Variants in IMMP2L observed in about 807,000 individuals in gnomAD.
IMMP2L encodes the protein mitochondrial inner membrane protease subunit 2.
A neutral mutation model predicts 19.3 loss-of-function variants in IMMP2L; 18 were observed. That is an observed-to-expected ratio of 0.93 (90% CI 0.64 to 1.38). The LOEUF is 1.38. Ranked by LOEUF, IMMP2L falls within the 40% of genes most tolerant of loss-of-function variation. The probability of loss-of-function intolerance (pLI) is 0.00; values close to 1 mark genes in which losing one functional copy is unlikely to be tolerated. For missense variants in IMMP2L, 233 were observed against 218.2 expected, an observed-to-expected ratio of 1.07 and a Z score of -0.43; for synonymous variants, 76 against 73.0, an observed-to-expected ratio of 1.04 and a Z score of -0.21.
intron 3 of IMMP2L, among the ~76,000 whole-genome samples, chr7:111,283,162 A>C (rs1820090740): frequency 6.6e-6 from 1 of 152,216 alleles, no homozygotes; most frequent in Non-Finnish European, 1.5e-5. Context: ...AATAACAGGA[A>C]AAATGTGGAA....
At chr7:110,928,132 C>G (rs889011949) in intron 4 of IMMP2L, among the ~76,000 whole-genome samples, 2 of 151,826 alleles carry the variant, frequency 1.3e-5, no homozygotes, top group African/African-American at 4.8e-5. Flanking sequence ...CTTCTCTTGC[C>G]TCTATTAAAA....
At chr7:111,095,972 T>C (rs1047888182) in intron 3 of IMMP2L, among the ~76,000 whole-genome samples, 7 of 151,962 alleles carry the variant, frequency 4.6e-5, no homozygotes, top group Non-Finnish European at 8.8e-5. Context: ...TGATATCTCC[T>C]TAATATCACA....
chr7:111,282,778 T>G (rs976287945), intron 3 of IMMP2L, among the ~76,000 whole-genome samples: 1 of 152,038 alleles, frequency 6.6e-6, no homozygotes, highest in African/African-American at 2.4e-5. Flanking sequence ...GAGACTGGGT[T>G]TCACCATGTT....
At chr7:110,813,394 A>C (rs1802188279) in intron 5 of IMMP2L, among the ~76,000 whole-genome samples, 1 of 151,836 alleles carries the variant, frequency 6.6e-6, no homozygotes, top group Non-Finnish European at 1.5e-5. Context: ...TCTGTGGGTT[A>C]AGAATTATTT....
intron 3 of IMMP2L, among the ~76,000 whole-genome samples, chr7:111,050,565 T>C (rs1362468392): frequency 6.6e-6 from 1 of 152,224 alleles, no homozygotes; most frequent in Non-Finnish European, 1.5e-5. Context: ...TTTTTGCTGC[T>C]TTTTGCCTGG....
chr7:111,344,967 A>G (rs1399347097), intron 3 of IMMP2L, among the ~76,000 whole-genome samples: 1 of 152,094 alleles, frequency 6.6e-6, no homozygotes, highest in Non-Finnish European at 1.5e-5. Flanking sequence ...GAGGCAAAAC[A>G]ACATTTAAGT....
chr7:111,506,501 G>A (rs956334034), intron 2 of IMMP2L, among the ~76,000 whole-genome samples: 5 of 152,074 alleles, frequency 3.3e-5, no homozygotes, highest in African/African-American at 9.7e-5. Flanking sequence ...AGGTTCAAGC[G>A]ATTCTCCTGC....
chr7:111,497,718 T>A (rs531795329), intron 2 of IMMP2L, among the ~76,000 whole-genome samples: 13 of 152,120 alleles, frequency 8.5e-5, no homozygotes, highest in African/African-American at 2.9e-4. Context: ...TGGGTTTAAA[T>A]CTATGCAATC....
At chr7:111,381,148 T>C (rs1384125122) in intron 3 of IMMP2L, among the ~76,000 whole-genome samples, 6 of 151,932 alleles carry the variant, frequency 3.9e-5, no homozygotes, top group East Asian at 1.9e-4. Context: ...AGTTTGGTAT[T>C]AGTAGGGTGC....
At position 110,678,148 on chromosome 7, in the gene IMMP2L, T is replaced by C. The variant is rs149324499; in HGVS notation, c.409-14427A>G. On this transcript the variant is annotated intron_variant, in intron 5 of 5. Coordinates refer to ENST00000405709, the MANE Select transcript of IMMP2L (RefSeq NM_032549.4). ...TAAAATCGAAAGAGTTCCAAAAATA[T>C]GAAGTTTTCTGTAACCCTCTGGTAG... Among the ~76,000 whole-genome samples the C allele has an allele frequency of 2.0e-5, 3 of 152,216 alleles. No homozygotes were observed. In the East Asian group the frequency reaches 5.8e-4, roughly 29 times the overall value.
chr7:110,962,354 A>G (rs1819039131), intron 4 of IMMP2L: 1 of 152,066 alleles, frequency 6.6e-6, no homozygotes, highest in Non-Finnish European at 1.5e-5. Context: ...TACCAATAAT[A>G]AACCCTTATG....
chr7:111,273,020 G>T (rs574753871), intron 3 of IMMP2L, among the ~76,000 whole-genome samples: 1 of 152,090 alleles, frequency 6.6e-6, no homozygotes, highest in African/African-American at 2.4e-5. Context: ...TCAGCATCCT[G>T]TAATCTCAGC....
At chr7:111,022,990 TG>T (rs1826442937) in intron 3 of IMMP2L, among the ~76,000 whole-genome samples, 1 of 152,202 alleles carries the variant, frequency 6.6e-6, no homozygotes, top group Non-Finnish European at 1.5e-5. Flanking sequence ...AATTCACCTT[TG>T]CAGCTCTCTA....
At chr7:110,743,038 T>C (rs1797095071) in intron 5 of IMMP2L, among the ~76,000 whole-genome samples, 1 of 152,218 alleles carries the variant, frequency 6.6e-6, no homozygotes, top group Admixed American at 6.5e-5. Flanking sequence ...CTGTATTTTC[T>C]AAATTTCCTA....
Position 111,375,355 on chromosome 7 carries a change from T to C in IMMP2L, c.239+111883A>G, listed in dbSNP as rs150759600. Among the ~76,000 whole-genome samples, 8 of 152,140 alleles carry C rather than the reference T, an allele frequency of 5.3e-5. 1 individual carries two copies. In the East Asian group the frequency reaches 1.5e-3, roughly 29 times the overall value. ...TTTTAATCCAATCCACTTGCTTAAA[T>C]TATGATGTCAAGGTCTGGTACTCAA... On this transcript the variant is annotated intron_variant, in intron 3 of 5. Transcript: ENST00000405709.
At chr7:110,991,351 G>A (rs1043538865) in intron 3 of IMMP2L, among the ~76,000 whole-genome samples, 1 of 152,072 alleles carries the variant, frequency 6.6e-6, no homozygotes, top group Non-Finnish European at 1.5e-5. Flanking sequence ...TTGAAAAAAT[G>A]CAATGCAATA....
intron 3 of IMMP2L, among the ~76,000 whole-genome samples, chr7:111,075,171 G>A (rs1795293382): frequency 7.7e-6 from 1 of 130,588 alleles, no homozygotes; most frequent in South Asian, 2.5e-4. Flanking sequence ...CTGTCACCCA[G>A]GCTGGAGTAC....
intron 5 of IMMP2L, among the ~76,000 whole-genome samples, chr7:110,840,344 T>G (rs1804945107): frequency 6.6e-6 from 1 of 152,152 alleles, no homozygotes; most frequent in Non-Finnish European, 1.5e-5. Context: ...GCCATCGATT[T>G]CCTTCTGGAA....
At chr7:111,197,891 C>G (rs751974039) in intron 3 of IMMP2L, among the ~76,000 whole-genome samples, 22 of 152,116 alleles carry the variant, frequency 1.4e-4, no homozygotes, top group Non-Finnish European at 2.4e-4. Context: ...TTAGAATTGT[C>G]ACACATTAGT....
Sources: allele counts gnomAD v4.1 joint callset (sites outside exome capture counted in the v4.1 genomes callset), GRCh38; gene constraint gnomAD v4.1.1; transcripts MANE v1.5; gene names NCBI Gene and HGNC (gene_info 2026-07-23, HGNC 2026-07-21).